Variants in TTN observed in about 807,000 individuals in gnomAD.
The protein encoded by TTN is connectin.
Under a neutral mutation model 3,223.0 loss-of-function variants are expected in TTN, and 1,525 were observed. That is an observed-to-expected ratio of 0.47 (90% CI 0.45 to 0.49). TTN has a LOEUF of 0.49. TTN is among the 20% of genes least tolerant of loss of function. The probability of loss-of-function intolerance (pLI) is 0.00; values close to 1 mark genes in which losing one functional copy is unlikely to be tolerated. For missense variants in TTN, 40,786 were observed against 43,424.0 expected, an observed-to-expected ratio of 0.94 and a Z score of 5.40; for synonymous variants, 14,094 against 15,161.0, an observed-to-expected ratio of 0.93 and a Z score of 5.17.
intron 208 of TTN, 45 bp from the exon 209 acceptor site, chr2:178,650,879 A>T: frequency 6.5e-7 from 1 of 1,540,200 alleles, no homozygotes; most frequent in Non-Finnish European, 8.8e-7. Flanking sequence ...GTTGAGAAGT[A>T]TATTAAATTT....
In TTN at chr2:178,641,249, T is replaced by C; in HGVS notation, c.40625A>G (p.Lys13542Arg). The change falls in exon 220 of 363, where the codon AAA becomes AGA. Residue 13542 changes from lysine to arginine, a missense_variant. Transcript: ENST00000589042. ...GTCACTGAGATTCCTACCTGCAGGT[T>C]TTTTAACTTTTTCTAGTTTTTTAGG... Reference protein sequence around the residue: ...VEPKKLEKVKKPAVPEPPPPK... With the variant: ...VEPKKLEKVKRPAVPEPPPPK... The C allele has an allele frequency of 6.6e-7, 1 of 1,509,768 alleles. No individual in the cohort carries two copies. The highest frequency in any genetic ancestry group is 8.9e-7 in the Non-Finnish European group (1 of 1,129,386). 93.5% of individuals were successfully genotyped at this position (1,509,768 alleles called of 1,614,324 possible).
chr2:178,732,690 G>C lies in TTN; in HGVS notation c.16371C>G (p.Gly5457=). The change falls in exon 56 of 363, where the codon GGC becomes GGG. Residue 5457 remains glycine, a synonymous_variant. Transcript: ENST00000589042. ...CTGAGCCAGGCAGAACATCCTTTGAGCCGGGTTTAGTTACAAAACTGGGTG... is the reference window on the plus strand; with the variant it reads ...CTGAGCCAGGCAGAACATCCTTTGACCCGGGTTTAGTTACAAAACTGGGTG... ...QEPPSFVTKP[G]SKDVLPGSAV... The C allele has an allele frequency of 3.1e-6, 5 of 1,600,212 alleles. No individual in the cohort carries two copies. The highest frequency in any genetic ancestry group is 4.3e-6 in the Non-Finnish European group (5 of 1,173,122).
In TTN at chr2:178,556,959, CAGAGATGATGAATT is replaced by C. The variant is rs1333443235; in HGVS notation, c.88181_88194del (p.Gln29394ArgfsTer9). ...TCATACTGGGAATTCTGAGTCAAGC[CAGAGATGATGAATT>C]GAGTTTCAGTAACATTGGTGAAGCT... On this transcript the variant is annotated frameshift_variant, in exon 330 of 363. Transcript: ENST00000589042. LOFTEE classifies it high-confidence loss of function. The C allele has an allele frequency of 6.2e-7, 1 of 1,613,770 alleles. No individual in the cohort carries two copies.
chr2:178,551,220 T>C lies in TTN; in HGVS notation c.91311A>G (p.Glu30437=), dbSNP rs374094732. 184 of 1,613,412 alleles carry C rather than the reference T, an allele frequency of 1.1e-4. 4 individuals carry two copies. In the Middle Eastern group the frequency reaches 4.8e-3, roughly 42 times the overall value. Residue 30437 remains glutamate, a synonymous_variant, in exon 336 of 363, where the codon GAA becomes GAG. Transcript: ENST00000589042. ...GTPDYIDVTR[E]TITLKWNPPL... ...GTGGGTTCCATTTAAGTGTGATGGT[T>C]TCCCGGGTGACATCAATGTAGTCAG...
At chr2:178,766,249 A>T in intron 41 of TTN, 132 bp downstream of exon 41, 1 of 750,214 alleles carries the variant, frequency 1.3e-6, no homozygotes, top group Non-Finnish European at 2.3e-6. Context: ...TGTGAAAAAA[A>T]ATGTAGCTGG....
At position 178,581,756 on chromosome 2, in the gene TTN, C is replaced by A. The variant is rs775999434; in HGVS notation, c.66512G>T (p.Ser22171Ile). The A allele has an allele frequency of 1.2e-6, 2 of 1,606,336 alleles. No homozygotes were observed. The highest frequency in any genetic ancestry group is 2.2e-5 in the South Asian group (2 of 90,200). ...CTTGCCCCAAGATAGACTCACAGAG[C>A]TGCGAGTTGTATCATATACTTTAGG... is the stretch of plus-strand genomic sequence containing the variant. ...AFPKVYDTTR[S>I]SVSLSWGKPA... Residue 22171 changes from serine (S) to isoleucine (I), a missense_variant, in exon 316 of 363, where the codon AGC (serine) becomes ATC (isoleucine). Transcript: ENST00000589042.
rs1327804969 is a variant in TTN, at chr2:178,534,236, T to C, written c.102379A>G (p.Lys34127Glu). 1.9e-6 allele frequency: 3 copies of C among 1,613,866 alleles called. No individual in the cohort carries two copies. Among genetic ancestry groups the C allele is most frequent in the African/African-American group, 2.7e-5 (2 of 74,928 alleles). Residue 34127 changes from lysine to glutamate, a missense_variant, in exon 358 of 363, where the codon AAA becomes GAA. By Grantham distance (56) the Lys-to-Glu change is moderately conservative. Transcript: ENST00000589042. Reference sequence around the variant, plus strand: ...ATTTCAATGGATGCCACTTTAACTTTAGCAACACTCACTCCCTTCTGAGAT... The same window carrying C: ...ATTTCAATGGATGCCACTTTAACTTCAGCAACACTCACTCCCTTCTGAGAT... ...IRSQKGVSVA[K>E]VKVASIEIGP...
Position 178,538,752 on chromosome 2 carries a change from C to CCAT in TTN, c.99074_99076dup (p.Asp33025dup). Reference sequence around the variant, plus strand: ...CCAGTATCCAAGAATTTCTTTACCACCATCACATTCAGGTTTCTCCCACTG... The same window carrying CCAT: ...CCAGTATCCAAGAATTTCTTTACCACCATCATCACATTCAGGTTTCTCCCACTG... On this transcript the variant is annotated inframe_insertion, in exon 354 of 363. Coordinates refer to ENST00000589042, the MANE Select transcript of TTN (RefSeq NM_001267550.2). 1 of 1,613,722 alleles carries CCAT rather than the reference C, an allele frequency of 6.2e-7. No homozygotes were observed. The highest frequency in any genetic ancestry group is 1.7e-4 in the Middle Eastern group (1 of 6,058).
intron 215 of TTN, among the ~76,000 whole-genome samples, chr2:178,646,842 G>C (rs2062080520): frequency 6.6e-6 from 1 of 151,858 alleles, no homozygotes; most frequent in Admixed American, 6.6e-5. Flanking sequence ...TTTTGCTTCA[G>C]TAAACTGTAC....
chr2:178,802,409 C>G (rs975073478), intron 2 of TTN, 68 bp from the exon 3 acceptor site: 4 of 1,529,528 alleles, frequency 2.6e-6, no homozygotes, highest in Non-Finnish European at 3.6e-6. Context: ...TCTGTCCCAT[C>G]ATGTTCACTG....
rs1465320800 is a variant in TTN, at chr2:178,620,442, A to G, written c.46079T>C (p.Ile15360Thr). 31 of 1,612,212 alleles carry G rather than the reference A, an allele frequency of 1.9e-5. No individual in the cohort carries two copies. Among genetic ancestry groups the G allele is most frequent in the Non-Finnish European group, 2.5e-5 (30 of 1,178,908 alleles). Residue 15360 changes from isoleucine (I) to threonine (T), a missense_variant, in exon 248 of 363, where the codon ATT (isoleucine) becomes ACT (threonine). By Grantham distance (89) the Ile-to-Thr change is moderately conservative. Coordinates refer to ENST00000589042, the MANE Select transcript of TTN (RefSeq NM_001267550.2). Reference protein sequence around the residue: ...RVDKYKHMLTIKDCGFPDEGE... With the variant: ...RVDKYKHMLTTKDCGFPDEGE... ...TTCATCTGGGAAGCCACAGTCTTTA[A>G]TGGTTAACATGTGCTTGTACTTATC...
At position 178,564,548 on chromosome 2, in the gene TTN, G is replaced by A; in HGVS notation, c.81584C>T (p.Ala27195Val). Residue 27195 changes from alanine to valine, a missense_variant, in exon 326 of 363, where the codon GCC becomes GTC. Coordinates refer to ENST00000589042, the MANE Select transcript of TTN (RefSeq NM_001267550.2). ...TGTTATTTTGCTACCACCATCATAG[G>A]CAGGTTTCTTCCATTTCAGTGTGAC... ...NNVTLKWKKP[A>V]YDGGSKITGY... 6.2e-7 allele frequency: 1 copy of A among 1,613,222 alleles called. No individual in the cohort carries two copies. Among genetic ancestry groups the A allele is most frequent in the East Asian group, 2.2e-5 (1 of 44,712 alleles).
rs1464837718 is a variant in TTN at position 178,640,583 on chromosome 2, T to G, written c.40681A>C (p.Thr13561Pro). Reference sequence around the variant, plus strand: ...ATCTTCCTTTCCCTTTTTGTAACAGTAGGTACTTCAACCTCTTCAACAGGT... The same window carrying G: ...ATCTTCCTTTCCCTTTTTGTAACAGGAGGTACTTCAACCTCTTCAACAGGT... ...PKPVEEVEVP[T>P]VTKRERKIPE... Residue 13561 changes from threonine to proline, a missense_variant, in exon 221 of 363, where the codon ACT (threonine) becomes CCT (proline). By Grantham distance (38) the Thr-to-Pro change is conservative. Transcript: ENST00000589042. The G allele has an allele frequency of 6.2e-7, 1 of 1,600,082 alleles. No homozygotes were observed. The highest frequency in any genetic ancestry group is 1.1e-5 in the South Asian group (1 of 88,876).
intron 121 of TTN, among the ~76,000 whole-genome samples, chr2:178,690,608 T>G (rs1442343080): frequency 2.6e-5 from 4 of 152,328 alleles, no homozygotes; most frequent in Non-Finnish European, 5.9e-5. Context: ...AATGTTGACT[T>G]TTTAATTGGA....
chr2:178,756,269 T>C lies in TTN; in HGVS notation c.11207A>G (p.Asn3736Ser), dbSNP rs759184770. The C allele has an allele frequency of 3.1e-6, 5 of 1,613,838 alleles. No individual in the cohort carries two copies. Among genetic ancestry groups the C allele is most frequent in the South Asian group, 1.1e-5 (1 of 91,072 alleles). ...TGACGTTGTCCTCTCTCCACAGTCA[T>C]TGTGTACAATGCAGCTGTATAGTCC... The part of the protein sequence containing the change: ...DQGLYSCIVH[N>S]DCGERTTSAV... Residue 3736 changes from asparagine to serine, a missense_variant, in exon 46 of 363, where the codon AAT becomes AGT. Physicochemically the swap from Asn to Ser is conservative, Grantham distance 46 (BLOSUM62 1). Coordinates refer to ENST00000589042, the MANE Select transcript of TTN (RefSeq NM_001267550.2).
intron 134 of TTN, 54 bp from the exon 135 acceptor site, chr2:178,682,957 G>A: frequency 7.0e-7 from 1 of 1,422,766 alleles, no homozygotes; most frequent in Non-Finnish European, 9.6e-7. Flanking sequence ...TTTTAAGGAT[G>A]ACTGATAGTA....
Position 178,567,511 on chromosome 2 carries a change from A to G in TTN, c.78621T>C (p.Ala26207=), listed in dbSNP as rs1344770196. ...PKFRDTIVVN[A]GETFRLEADV... ...CAGCCTCAAGTCTGAATGTTTCTCCAGCATTTACCACAATTGTGTCTCTGA... is the reference window on the plus strand; with the variant it reads ...CAGCCTCAAGTCTGAATGTTTCTCCGGCATTTACCACAATTGTGTCTCTGA... Residue 26207 remains alanine (A), a synonymous_variant, in exon 326 of 363, where the codon GCT becomes GCC. Coordinates refer to ENST00000589042, the MANE Select transcript of TTN (RefSeq NM_001267550.2). 6.2e-7 allele frequency: 1 copy of G among 1,612,702 alleles called. No individual in the cohort carries two copies. Among genetic ancestry groups the G allele is most frequent in the South Asian group, 1.1e-5 (1 of 90,848 alleles).
At position 178,566,670 on chromosome 2, in the gene TTN, G is replaced by A; in HGVS notation, c.79462C>T (p.Pro26488Ser). 1 of 1,613,174 alleles carries A rather than the reference G, an allele frequency of 6.2e-7. No individual in the cohort carries two copies. Among genetic ancestry groups the A allele is most frequent in the Non-Finnish European group, 8.5e-7 (1 of 1,179,680 alleles). Residue 26488 changes from proline (P) to serine (S), a missense_variant, in exon 326 of 363, where the codon CCT (proline) becomes TCT (serine). Physicochemically the swap from Pro to Ser is moderately conservative, Grantham distance 74. Transcript: ENST00000589042. The part of the protein sequence containing the change: ...YYKACDPVFK[P>S]GPPTNAHIVD... ...ATGTGTGCATTGGTAGGTGGGCCAG[G>A]TTTGAACACAGGATCACAGGCTTTA...
rs749845705 is a variant in TTN at position 178,533,430 on chromosome 2, T to C, written c.103185A>G (p.Lys34395=). Reference sequence around the variant, plus strand: ...ACAGTGGCTGACCATCTTTCTCCCATTTTAATGTTGGTGGGGGGATGCCAG... The same window carrying C: ...ACAGTGGCTGACCATCTTTCTCCCACTTTAATGTTGGTGGGGGGATGCCAG... The part of the protein sequence containing the change: ...RVSGIPPPTL[K]WEKDGQPLSL... Residue 34395 remains lysine (K), a synonymous_variant, in exon 358 of 363, where the codon AAA becomes AAG. Transcript: ENST00000589042. 23 of 1,613,780 alleles carry C rather than the reference T, an allele frequency of 1.4e-5. No individual in the cohort carries two copies. Among genetic ancestry groups the C allele is most frequent in the Non-Finnish European group, 1.9e-5 (23 of 1,179,848 alleles).
Sources: allele counts gnomAD v4.1 joint callset (sites outside exome capture counted in the v4.1 genomes callset), GRCh38; gene constraint gnomAD v4.1.1; transcripts MANE v1.5; gene names NCBI Gene and HGNC (gene_info 2026-07-23, HGNC 2026-07-21).